Variants in CTNNBIP1 observed in about 807,000 individuals in gnomAD.
CTNNBIP1 encodes beta-catenin-interacting protein 1.
Under a neutral mutation model 11.8 loss-of-function variants are expected in CTNNBIP1, and 7 were observed. That is an observed-to-expected ratio of 0.60 (90% CI 0.34 to 1.12). The LOEUF is 1.12. Among genes scored for constraint, CTNNBIP1 ranks in the 50% most tolerant of loss-of-function variants. The probability of loss-of-function intolerance (pLI) is 0.03; values close to 1 mark genes in which losing one functional copy is unlikely to be tolerated. For synonymous variants in CTNNBIP1, 58 were observed against 43.9 expected (o/e 1.32, Z -1.26); for missense variants, 101 against 113.4 (o/e 0.89, Z 0.50).
At chr1:9,898,784 C>T (rs1449448768) in intron 1 of CTNNBIP1, among the ~76,000 whole-genome samples, 1 of 152,276 alleles carries the variant, frequency 6.6e-6, no homozygotes, top group Admixed American at 6.5e-5. Flanking sequence ...ACAGTATTTG[C>T]ATGTAACCTA....
chr1:9,872,196 A>G lies in CTNNBIP1; in HGVS notation c.-24-108T>C. On this transcript the variant is annotated intron_variant, in intron 3 of 5. Coordinates refer to ENST00000377263, the MANE Select transcript of CTNNBIP1 (RefSeq NM_020248.3). The surrounding 1 kb of genome is among the most constrained non-coding windows in gnomAD (Gnocchi z 4.0). ...TCCTCCCAGGAGCCGCTTTCCACCC[A>G]CAGTCTCCCTTCTGGGAGCATGGGG... The G allele has an allele frequency of 1.4e-6, 1 of 697,092 alleles. No homozygotes were observed. Among genetic ancestry groups the G allele is most frequent in the South Asian group, 1.7e-5 (1 of 58,882 alleles). 43.2% of individuals were successfully genotyped at this position (697,092 alleles called of 1,614,324 possible).
chr1:9,891,990 G>T (rs988125363), intron 1 of CTNNBIP1, among the ~76,000 whole-genome samples: 4 of 151,920 alleles, frequency 2.6e-5, no homozygotes, highest in Non-Finnish European at 4.4e-5. Flanking sequence ...ATTTTTAGTA[G>T]GGACAGGGTT....
At chr1:9,899,860 G>A (rs1261276234) in intron 1 of CTNNBIP1, among the ~76,000 whole-genome samples, 1 of 151,430 alleles carries the variant, frequency 6.6e-6, no homozygotes. Context: ...GATCACCTGA[G>A]GTCAGGGGTT....
At chr1:9,879,670 C>T (rs1639042827) in intron 2 of CTNNBIP1, among the ~76,000 whole-genome samples, 2 of 152,168 alleles carry the variant, frequency 1.3e-5, no homozygotes, top group South Asian at 2.1e-4. Context: ...GGGAACTTTC[C>T]ACCCAAGTCC....
chr1:9,884,160 G>A (rs1387789101), intron 1 of CTNNBIP1, among the ~76,000 whole-genome samples: 8 of 152,174 alleles, frequency 5.3e-5, no homozygotes, highest in Non-Finnish European at 1.2e-4. Flanking sequence ...TGGGCAGTGA[G>A]TGGGGGCGAC....
At position 9,851,450 on chromosome 1, in the gene CTNNBIP1, A is replaced by C. The variant is rs551972494; in HGVS notation, c.188-674T>G. On this transcript the variant is annotated intron_variant, in intron 5 of 5. Coordinates refer to ENST00000377263, the MANE Select transcript of CTNNBIP1 (RefSeq NM_020248.3). The surrounding 1 kb of genome is among the most constrained non-coding windows in gnomAD (Gnocchi z 4.8). ...TAGTGGCACAATCTCGGCTCACTGC[A>C]TCCTCTGCCTCCCGGGTTCAAGCGA... 6.6e-6 allele frequency among the ~76,000 whole-genome samples: 1 copy of C among 151,820 alleles called. No homozygotes were observed. The highest frequency in any genetic ancestry group is 2.1e-4 in the South Asian group (1 of 4,814).
chr1:9,876,185 A>AATG (rs1157566312), intron 3 of CTNNBIP1, among the ~76,000 whole-genome samples: 3 of 152,232 alleles, frequency 2.0e-5, no homozygotes, highest in Non-Finnish European at 4.4e-5. Flanking sequence ...AACCAAAAGT[A>AATG]ATGATGGTTC....
At chr1:9,908,395 A>G (rs1486583033) in intron 1 of CTNNBIP1, among the ~76,000 whole-genome samples, 23 of 109,308 alleles carry the variant, frequency 2.1e-4, no homozygotes, top group Admixed American at 1.6e-3. Context: ...TTTTTTTGAG[A>G]CGGAGTCTCG....
At chr1:9,901,637 C>T (rs1251206070) in intron 1 of CTNNBIP1, among the ~76,000 whole-genome samples, 2 of 152,180 alleles carry the variant, frequency 1.3e-5, no homozygotes, top group African/African-American at 4.8e-5. Context: ...GCCTCCTCCC[C>T]AGCTCTCCAT....
chr1:9,864,558 G>A (rs1269259099), intron 5 of CTNNBIP1, among the ~76,000 whole-genome samples: 1 of 152,150 alleles, frequency 6.6e-6, no homozygotes, highest in Non-Finnish European at 1.5e-5. Flanking sequence ...TCAATCTCCT[G>A]ACCTCGTGAT....
chr1:9,901,424 A>G (rs1030126926), intron 1 of CTNNBIP1, among the ~76,000 whole-genome samples: 13 of 152,166 alleles, frequency 8.5e-5, no homozygotes, highest in African/African-American at 2.9e-4. Context: ...TGTTTGATCC[A>G]CAAGGGATCC....
At chr1:9,905,941 T>C (rs1446800384) in intron 1 of CTNNBIP1, among the ~76,000 whole-genome samples, 9 of 152,126 alleles carry the variant, frequency 5.9e-5, no homozygotes, top group African/African-American at 1.9e-4. Flanking sequence ...TACTATATTA[T>C]AAGAGTAGAC....
In CTNNBIP1 at chr1:9,883,289, G is replaced by C. The variant is rs894696631; in HGVS notation, c.-110+416C>G. Reference sequence around the variant, plus strand: ...AAGCCCTGTGTGAGATGTGTGGAAGGGCAGGTGGGACACCACAGGCAGGAC... The same window carrying C: ...AAGCCCTGTGTGAGATGTGTGGAAGCGCAGGTGGGACACCACAGGCAGGAC... On this transcript the variant is annotated intron_variant, in intron 2 of 5. Transcript: ENST00000377263. This position sits in a 1 kb window ranked among gnomAD's most constrained non-coding sequence, Gnocchi z 5.6. 1.3e-5 allele frequency among the ~76,000 whole-genome samples: 2 copies of C among 152,322 alleles called. No individual in the cohort carries two copies. Among genetic ancestry groups the C allele is most frequent in the Admixed American group, 1.3e-4 (2 of 15,312 alleles).
chr1:9,896,077 C>A (rs1013567743), intron 1 of CTNNBIP1, among the ~76,000 whole-genome samples: 3 of 152,184 alleles, frequency 2.0e-5, no homozygotes, highest in Non-Finnish European at 4.4e-5. Context: ...GGTTCCCATG[C>A]TCTTCAACCT....
In CTNNBIP1 at chr1:9,910,261, G is replaced by C. The variant is rs948238382; in HGVS notation, c.-310C>G. The stretch of plus-strand genomic sequence containing the variant: ...CGCCTCCCGCTCCGAGAGTCACCGC[G>C]GTGGGGAGGGAGGGAGGCGCCAGGC... On this transcript the variant is annotated 5_prime_UTR_variant, in exon 1 of 6. Transcript: ENST00000377263. The C allele has an allele frequency of 6.8e-6, 1 of 147,806 alleles. No individual in the cohort carries two copies. The highest frequency in any genetic ancestry group is 1.5e-5 in the Non-Finnish European group (1 of 66,086). 9.2% of individuals were successfully genotyped at this position (147,806 alleles called of 1,614,324 possible). A position where few individuals can be genotyped will look rare whatever the true frequency, so the allele number is the denominator to read the frequency against.
At chr1:9,882,729 G>A (rs1006123732) in intron 2 of CTNNBIP1, among the ~76,000 whole-genome samples, 1 of 152,104 alleles carries the variant, frequency 6.6e-6, no homozygotes, top group African/African-American at 2.4e-5. Context: ...TGTAAGAGTG[G>A]GGCTGTGGCT....
chr1:9,896,604 G>A (rs1055255754), intron 1 of CTNNBIP1, among the ~76,000 whole-genome samples: 1 of 151,986 alleles, frequency 6.6e-6, no homozygotes, highest in African/African-American at 2.4e-5. Context: ...GGAGGCCGAG[G>A]TGGGCAGATC....
intron 1 of CTNNBIP1, among the ~76,000 whole-genome samples, chr1:9,901,589 G>A (rs945748823): frequency 2.0e-5 from 3 of 152,080 alleles, no homozygotes; most frequent in African/African-American, 7.2e-5. Flanking sequence ...TGCTACTCGG[G>A]CCTGAAAAAA....
At chr1:9,877,208 C>A (rs573704903) in intron 3 of CTNNBIP1, among the ~76,000 whole-genome samples, 1 of 152,172 alleles carries the variant, frequency 6.6e-6, no homozygotes, top group African/African-American at 2.4e-5. Flanking sequence ...AAGTCACATG[C>A]GGCAGTTGGA....
Sources: allele counts gnomAD v4.1 joint callset (sites outside exome capture counted in the v4.1 genomes callset), GRCh38; gene constraint gnomAD v4.1.1; non-coding constraint Gnocchi (gnomAD v3.1); transcripts MANE v1.5; gene names NCBI Gene and HGNC (gene_info 2026-07-23, HGNC 2026-07-21).